Variants in DARS1 observed in about 807,000 individuals in gnomAD.
The protein encoded by DARS1 is aspartyl-tRNA synthetase 1.
In DARS1, 51 loss-of-function variants were observed where a neutral mutation model predicts 68.8. The observed-to-expected ratio is 0.74, with a 90% confidence interval of 0.59 to 0.94. The LOEUF is 0.94. DARS1 is among the 40% of genes least tolerant of loss of function. The pLI, the probability that DARS1 is intolerant of heterozygous loss-of-function variation, is 0.00. For missense variants in DARS1, 607 were observed against 597.3 expected (o/e 1.02, Z -0.17); for synonymous variants, 203 against 190.4 (o/e 1.07, Z -0.55).
intron 8 of DARS1, among the ~76,000 whole-genome samples, chr2:135,924,072 T>C (rs1443678117): frequency 6.6e-6 from 1 of 152,228 alleles, no homozygotes; most frequent in Non-Finnish European, 1.5e-5. Flanking sequence ...AAAACTGCAA[T>C]ACTAATTTCA....
At chr2:135,939,301 C>G (rs1215876117) in intron 5 of DARS1, among the ~76,000 whole-genome samples, 1 of 152,174 alleles carries the variant, frequency 6.6e-6, no homozygotes, top group Non-Finnish European at 1.5e-5. Context: ...GAAATTATAA[C>G]AAACTGTCTC....
At chr2:135,912,419 A>G in intron 13 of DARS1, 67 bp downstream of exon 13, 1 of 690,062 alleles carries the variant, frequency 1.4e-6, no homozygotes. Context: ...CCTATTATAC[A>G]ATCTGACAGT....
At chr2:135,978,971 ATTTT>A (rs5834455) in intron 3 of DARS1, 6 of 191,680 alleles carry the variant, frequency 3.1e-5, no homozygotes, top group African/African-American at 7.2e-5. Flanking sequence ...TTTTTTTTCA[ATTTT>A]TTTTTTTTTT....
At chr2:135,982,022 C>A (rs1682643703) in intron 2 of DARS1, among the ~76,000 whole-genome samples, 1 of 152,034 alleles carries the variant, frequency 6.6e-6, no homozygotes. Context: ...ATAAAATTAA[C>A]CTAGAGGTGT....
intron 3 of DARS1, among the ~76,000 whole-genome samples, chr2:135,978,385 C>T (rs956680817): frequency 2.0e-5 from 3 of 152,186 alleles, no homozygotes; most frequent in Middle Eastern, 3.2e-3. Context: ...CTTCTAGCTT[C>T]TGTTTATACT....
chr2:135,978,971 A>ATTTT, intron 3 of DARS1: 1 of 191,376 alleles, frequency 5.2e-6, no homozygotes, highest in East Asian at 1.2e-4. Flanking sequence ...TTTTTTTTCA[A>ATTTT]TTTTTTTTTT....
Position 135,939,922 on chromosome 2 carries a change from T to C in DARS1, c.423+3456A>G, listed in dbSNP as rs1224910568. Among the ~76,000 whole-genome samples the C allele has an allele frequency of 3.3e-5, 5 of 152,258 alleles. No homozygotes were observed. The East Asian group carries it at 9.6e-4, about 29-fold the overall frequency. On this transcript the variant is annotated intron_variant, in intron 5 of 15. Transcript: ENST00000264161. ...AGAAAGTCTAGAAGAAATGGATAAA[T>C]TCCTGGACACATACACCCTCCCAAG...
chr2:135,979,294 A>G lies in DARS1; in HGVS notation c.197T>C (p.Val66Ala). The G allele has an allele frequency of 6.9e-7, 1 of 1,444,036 alleles. No individual in the cohort carries two copies. The highest frequency in any genetic ancestry group is 9.8e-7 in the Non-Finnish European group (1 of 1,025,174). The allele number at this position is 1,444,036 out of a possible 1,614,324, so 89.5% of individuals were successfully genotyped here. A position where few individuals can be genotyped will look rare whatever the true frequency, so the allele number is the denominator to read the frequency against. ...CCTACCTTTAGCTCTGCTTGTATGA[A>G]CTCTTGCACGTACCCAAACAACTTC... ...ADEVVWVRAR[V>A]HTSRAKGKQC... The change falls in exon 3 of 16, where the codon GTT becomes GCT. Residue 66 changes from valine (V) to alanine (A), a missense_variant. By Grantham distance (64) the Val-to-Ala change is moderately conservative. Coordinates refer to ENST00000264161, the MANE Select transcript of DARS1 (RefSeq NM_001349.4).
chr2:135,982,492 A>G (rs1169246318), intron 2 of DARS1, among the ~76,000 whole-genome samples: 1 of 151,762 alleles, frequency 6.6e-6, no homozygotes, highest in Non-Finnish European at 1.5e-5. Flanking sequence ...GCTGCTCAGG[A>G]GGCTGAGGCA....
chr2:135,982,519 T>G (rs1233210289), intron 2 of DARS1, among the ~76,000 whole-genome samples: 2 of 151,430 alleles, frequency 1.3e-5, no homozygotes, highest in Non-Finnish European at 2.9e-5. Flanking sequence ...TTGTAGGAAC[T>G]TGGGAGGCGG....
chr2:135,949,790 G>C (rs1165333173), intron 4 of DARS1, among the ~76,000 whole-genome samples: 1 of 152,152 alleles, frequency 6.6e-6, no homozygotes, highest in African/African-American at 2.4e-5. Context: ...CTCTATTGAT[G>C]AATTGGATAT....
At chr2:135,915,945 A>G (rs1680993903) in intron 11 of DARS1, among the ~76,000 whole-genome samples, 1 of 152,192 alleles carries the variant, frequency 6.6e-6, no homozygotes, top group Admixed American at 6.5e-5. Flanking sequence ...TATAGTAAAC[A>G]CTTTTATTTC....
chr2:135,927,762 A>G (rs2104806075), intron 7 of DARS1, among the ~76,000 whole-genome samples: 1 of 152,290 alleles, frequency 6.6e-6, no homozygotes, highest in Non-Finnish European at 1.5e-5. Flanking sequence ...CGAAAAACCC[A>G]GTCCTTGAAC....
chr2:135,978,746 C>T (rs1349649981), intron 3 of DARS1, among the ~76,000 whole-genome samples: 1 of 152,166 alleles, frequency 6.6e-6, no homozygotes, highest in Admixed American at 6.5e-5. Flanking sequence ...CCGTTAGCCA[C>T]ATGTGGTCAT....
At chr2:135,912,363 T>C in intron 13 of DARS1, 123 bp downstream of exon 13, 2 of 495,128 alleles carry the variant, frequency 4.0e-6, no homozygotes, top group South Asian at 4.6e-5. Context: ...TCAATGGTAA[T>C]ACGTATGTCT....
At chr2:135,910,114 C>T (rs1680865913) in intron 15 of DARS1, among the ~76,000 whole-genome samples, 1 of 152,158 alleles carries the variant, frequency 6.6e-6, no homozygotes, top group African/African-American at 2.4e-5. Context: ...GTAAATAATG[C>T]TGCATTGAAC....
intron 7 of DARS1, among the ~76,000 whole-genome samples, chr2:135,927,272 T>C (rs930607248): frequency 6.6e-6 from 1 of 152,158 alleles, no homozygotes; most frequent in Non-Finnish European, 1.5e-5. Context: ...AATTATATAT[T>C]AAATCTATCT....
At chr2:135,907,844 T>C (rs971997074) in intron 15 of DARS1, among the ~76,000 whole-genome samples, 15 of 152,192 alleles carry the variant, frequency 9.9e-5, no homozygotes, top group Admixed American at 4.6e-4. Flanking sequence ...TTTATAGACA[T>C]TTAACATGGT....
chr2:135,948,427 C>T (rs1445301934), intron 4 of DARS1, among the ~76,000 whole-genome samples: 1 of 152,190 alleles, frequency 6.6e-6, no homozygotes, highest in African/African-American at 2.4e-5. Flanking sequence ...CAAAATTAAG[C>T]TTCTCCTAAG....
Sources: gnomAD v4.1 joint callset for allele counts (sites outside exome capture counted in the v4.1 genomes callset) on GRCh38, gnomAD v4.1.1 for gene constraint, MANE v1.5 for transcripts, NCBI Gene and HGNC (gene_info 2026-07-23, HGNC 2026-07-21) for gene names.